The following SEPSECS variants were observed in gnomAD, a reference collection of about 807,000 sequenced individuals.
SEPSECS encodes O-phosphoseryl-tRNA(Sec) selenium transferase.
A neutral mutation model predicts 52.1 loss-of-function variants in SEPSECS; 42 were observed. The observed-to-expected ratio is 0.81, with a 90% CI of 0.63 to 1.04. The LOEUF is 1.04. Among genes scored for constraint, SEPSECS ranks in the 50% least tolerant of loss-of-function variants. SEPSECS has a pLI of 0.00. For missense variants in SEPSECS, 590 were observed against 610.6 expected (o/e 0.97, Z 0.36); for synonymous variants, 216 against 211.4 (o/e 1.02, Z -0.19).
chr4:25,159,361 G>T (rs573401406), intron 1 of SEPSECS: 8 of 461,384 alleles, frequency 1.7e-5, no homozygotes, highest in African/African-American at 1.6e-4. Context: ...TTAAATTTCC[G>T]TAAGTGAAAC....
At chr4:25,132,227 C>CTTGTGA (rs1475884155) in intron 8 of SEPSECS, among the ~76,000 whole-genome samples, 2 of 152,132 alleles carry the variant, frequency 1.3e-5, no homozygotes, top group African/African-American at 4.8e-5. Context: ...ATGAAATAAC[C>CTTGTGA]TCTAAAAATA....
Position 25,123,109 on chromosome 4 carries a change from A to G in SEPSECS, c.*822T>C, listed in dbSNP as rs1420459786. ...TTTGGAATCCGTGACCCTGGTTATC[A>G]CTTAAGATTCTCTATATAGTATAGT... is the stretch of plus-strand genomic sequence containing the variant. On this transcript the variant is annotated 3_prime_UTR_variant, in exon 11 of 11. Coordinates refer to ENST00000382103, the MANE Select transcript of SEPSECS (RefSeq NM_016955.4). 6.6e-6 allele frequency: 1 copy of G among 152,198 alleles called. No individual in the cohort carries two copies. The highest frequency in any genetic ancestry group is 1.9e-4 in the East Asian group (1 of 5,202). The allele number at this position is 152,198 out of a possible 1,614,324, so 9.4% of individuals were successfully genotyped here.
chr4:25,146,938 T>G (rs16876910), intron 6 of SEPSECS, among the ~76,000 whole-genome samples: 2,601 of 152,294 alleles, frequency 0.017, 69 homozygotes, highest in African/African-American at 0.059. Context: ...TGTCACTCTT[T>G]CCTGCTTGAA....
At chr4:25,135,781 C>T (rs1049128629) in intron 8 of SEPSECS, among the ~76,000 whole-genome samples, 1 of 152,034 alleles carries the variant, frequency 6.6e-6, no homozygotes, top group Non-Finnish European at 1.5e-5. Context: ...TGATGAATAT[C>T]GACGCAAAAA....
intron 9 of SEPSECS, 42 bp from the exon 10 acceptor site, chr4:25,125,826 G>A: frequency 1.6e-6 from 2 of 1,245,238 alleles, no homozygotes; most frequent in Non-Finnish European, 2.3e-6. Flanking sequence ...TGGTTTACTG[G>A]CATAAAAATC....
chr4:25,140,558 G>A (rs1177261807), intron 8 of SEPSECS, among the ~76,000 whole-genome samples: 4 of 151,978 alleles, frequency 2.6e-5, no homozygotes, highest in African/African-American at 9.7e-5. Context: ...TGAAAATGAG[G>A]ATAACAATAC....
intron 2 of SEPSECS, among the ~76,000 whole-genome samples, chr4:25,157,245 A>T (rs1043689608): frequency 6.6e-6 from 1 of 152,188 alleles, no homozygotes; most frequent in Non-Finnish European, 1.5e-5. Context: ...CAAGAGATGG[A>T]GTCTACTTCC....
intron 1 of SEPSECS, 36 bp from the exon 2 acceptor site, chr4:25,159,143 T>C: frequency 6.8e-7 from 1 of 1,475,272 alleles, no homozygotes; most frequent in East Asian, 2.5e-5. Context: ...TTATATTTAA[T>C]AAAACTACCG....
intron 9 of SEPSECS, among the ~76,000 whole-genome samples, chr4:25,126,845 C>T (rs1324238782): frequency 6.6e-6 from 1 of 152,138 alleles, no homozygotes; most frequent in African/African-American, 2.4e-5. Flanking sequence ...ATAATAGAGA[C>T]AAGGTTTCAC....
At chr4:25,148,133 A>T (rs1712080371) in intron 6 of SEPSECS, among the ~76,000 whole-genome samples, 1 of 152,148 alleles carries the variant, frequency 6.6e-6, no homozygotes, top group South Asian at 2.1e-4. Flanking sequence ...CGGGTGGATC[A>T]CGAGGTCAGG....
At chr4:25,150,265 T>C (rs1037786703) in intron 6 of SEPSECS, among the ~76,000 whole-genome samples, 3 of 152,242 alleles carry the variant, frequency 2.0e-5, no homozygotes, top group Non-Finnish European at 4.4e-5. Flanking sequence ...CACATGTATG[T>C]CAAAACTGTA....
Position 25,127,396 on chromosome 4 carries a change from A to G in SEPSECS, c.1027-39T>C. 2.8e-6 allele frequency: 4 copies of G among 1,426,082 alleles called. No individual in the cohort carries two copies. The South Asian group carries it at 3.4e-5, about 12-fold the overall frequency. The allele number at this position is 1,426,082 out of a possible 1,614,324, so 88.3% of individuals were successfully genotyped here. A position where few individuals can be genotyped will look rare whatever the true frequency, so the allele number is the denominator to read the frequency against. ...ATGTCACATTTAAAACAAATCAAATATCTACTGCCAGATTTAATAAGACAA... is the reference window on the plus strand; with the variant it reads ...ATGTCACATTTAAAACAAATCAAATGTCTACTGCCAGATTTAATAAGACAA... On this transcript the variant is annotated intron_variant, in intron 8 of 10. Transcript: ENST00000382103.
intron 9 of SEPSECS, among the ~76,000 whole-genome samples, chr4:25,126,939 G>A (rs913500212): frequency 2.6e-5 from 4 of 151,998 alleles, no homozygotes; most frequent in African/African-American, 7.2e-5. Flanking sequence ...TACAGGCGTG[G>A]GCCACCAAAC....
At chr4:25,144,625 C>A in intron 8 of SEPSECS, 149 bp downstream of exon 8, 1 of 632,724 alleles carries the variant, frequency 1.6e-6, no homozygotes, top group Non-Finnish European at 2.8e-6. Context: ...TAGGAAACCA[C>A]CTATGGTGGT....
At chr4:25,151,660 A>G (rs1712310489) in intron 6 of SEPSECS, among the ~76,000 whole-genome samples, 1 of 152,220 alleles carries the variant, frequency 6.6e-6, no homozygotes, top group African/African-American at 2.4e-5. Context: ...GGTATAATCC[A>G]GTATATTAGA....
intron 2 of SEPSECS, among the ~76,000 whole-genome samples, chr4:25,157,795 T>A (rs1274741840): frequency 6.7e-6 from 1 of 149,788 alleles, no homozygotes; most frequent in South Asian, 2.1e-4. Context: ...TCCGCCCGCC[T>A]TGGCCTCCCA....
chr4:25,148,187 C>G (rs1005262056), intron 6 of SEPSECS, among the ~76,000 whole-genome samples: 2 of 151,900 alleles, frequency 1.3e-5, no homozygotes, highest in Non-Finnish European at 2.9e-5. Context: ...CCCGTCTCTA[C>G]TAAAAAATAC....
intron 6 of SEPSECS, among the ~76,000 whole-genome samples, chr4:25,148,722 G>A (rs1039401742): frequency 3.3e-4 from 51 of 152,272 alleles, no homozygotes; most frequent in African/African-American, 1.1e-3. Flanking sequence ...TATGTGAAAT[G>A]TTCCCAACAC....
chr4:25,159,093 C>T lies in SEPSECS; in HGVS notation c.129G>A (p.Glu43=), dbSNP rs767556011. ...RLLLEKGKCP[E]NGWDESTLEL... is the part of the protein sequence containing the mutation. Reference sequence around the variant, plus strand: ...CAAGTGTACTTTCATCCCAGCCATTCTCTGGACACTTGCCCTTAAAAAAAA... The same window carrying T: ...CAAGTGTACTTTCATCCCAGCCATTTTCTGGACACTTGCCCTTAAAAAAAA... The change falls in exon 2 of 11, where the codon GAG becomes GAA. Residue 43 remains glutamate, a synonymous_variant. Coordinates refer to ENST00000382103, the MANE Select transcript of SEPSECS (RefSeq NM_016955.4). 1.9e-6 allele frequency: 3 copies of T among 1,603,330 alleles called. No homozygotes were observed. The East Asian group carries it at 6.7e-5, about 36-fold the overall frequency.
Sources: allele counts gnomAD v4.1 joint callset (sites outside exome capture counted in the v4.1 genomes callset), GRCh38; gene constraint gnomAD v4.1.1; transcripts MANE v1.5; gene names NCBI Gene and HGNC (gene_info 2026-07-23, HGNC 2026-07-21).